Variants in PRRG4 observed in about 807,000 individuals in gnomAD.
The protein encoded by PRRG4 is transmembrane gamma-carboxyglutamic acid protein 4.
In PRRG4, 12 loss-of-function variants were observed where a neutral mutation model predicts 20.0. The observed-to-expected ratio is 0.60, with a 90% CI of 0.38 to 0.97. The LOEUF (loss-of-function observed/expected upper bound fraction) is 0.97. PRRG4 is among the 50% of genes least tolerant of loss of function. The probability of loss-of-function intolerance (pLI) is 0.00; values close to 1 mark genes in which losing one functional copy is unlikely to be tolerated. For synonymous variants in PRRG4, 94 were observed against 96.4 expected (o/e 0.98, Z 0.15); for missense variants, 199 against 265.1 (o/e 0.75, Z 1.73).
At chr11:32,852,175 C>G (rs570788922) in intron 5 of PRRG4, among the ~76,000 whole-genome samples, 9 of 152,178 alleles carry the variant, frequency 5.9e-5, no homozygotes, top group Non-Finnish European at 1.0e-4. Flanking sequence ...GGGAACGATA[C>G]TAGTGAAAGC....
intron 2 of PRRG4, among the ~76,000 whole-genome samples, chr11:32,831,038 T>G (rs527840022): frequency 1.1e-3 from 160 of 152,244 alleles, no homozygotes; most frequent in African/African-American, 3.6e-3. Context: ...GATAACTTAA[T>G]CCCGTTTGGC....
chr11:32,833,108 T>G (rs1054739279), intron 2 of PRRG4, among the ~76,000 whole-genome samples: 5 of 152,062 alleles, frequency 3.3e-5, no homozygotes, highest in Admixed American at 1.3e-4. Flanking sequence ...TTACTTAGAA[T>G]CCAGTAACAA....
At chr11:32,842,172 A>G (rs1851085259) in intron 5 of PRRG4, among the ~76,000 whole-genome samples, 1 of 152,190 alleles carries the variant, frequency 6.6e-6, no homozygotes, top group Non-Finnish European at 1.5e-5. Context: ...TGAAAATAGA[A>G]TGACATGTAT....
chr11:32,835,872 G>A (rs1035461981), intron 2 of PRRG4, among the ~76,000 whole-genome samples: 12 of 152,126 alleles, frequency 7.9e-5, no homozygotes, highest in Non-Finnish European at 1.5e-4. Context: ...GGGAGGCTCA[G>A]GTGGGTGGAT....
Position 32,836,657 on chromosome 11 carries a change from G to C in PRRG4, c.104-1G>C. The C allele has an allele frequency of 6.6e-7, 1 of 1,516,754 alleles. No homozygotes were observed. Among genetic ancestry groups the C allele is most frequent in the South Asian group, 1.2e-5 (1 of 85,812 alleles). 94.0% of individuals were successfully genotyped at this position (1,516,754 alleles called of 1,614,324 possible). A position where few individuals can be genotyped will look rare whatever the true frequency, so the allele number is the denominator to read the frequency against. On this transcript the variant is annotated splice_acceptor_variant, in intron 2 of 5. Transcript: ENST00000257836. LOFTEE classifies it high-confidence loss of function. ...TTAAGTCTTTTTCATTACTTTATTA[G>C]TGTTTACATCAAAAGAAGAAGCAAA...
intron 5 of PRRG4, among the ~76,000 whole-genome samples, chr11:32,845,625 C>CAA (rs749171678): frequency 8.8e-6 from 1 of 113,626 alleles, no homozygotes; most frequent in African/African-American, 3.3e-5. Context: ...GACTCCGTTT[C>CAA]AAAAAAAAAA....
Position 32,855,689 on chromosome 11 carries a change from T to C in PRRG4, c.*2162T>C, listed in dbSNP as rs1851223233. On this transcript the variant is annotated 3_prime_UTR_variant, in exon 6 of 6. Transcript: ENST00000257836. ...TTGCAAATAAATCATCTAGCAACAT[T>C]TACATTTAATTAGGAAATCTAACTT... The C allele has an allele frequency of 6.6e-6, 1 of 152,214 alleles. No individual in the cohort carries two copies. Among genetic ancestry groups the C allele is most frequent in the African/African-American group, 2.4e-5 (1 of 41,450 alleles). 9.4% of individuals were successfully genotyped at this position (152,214 alleles called of 1,614,324 possible).
intron 5 of PRRG4, among the ~76,000 whole-genome samples, chr11:32,849,012 A>C (rs1851157378): frequency 6.6e-6 from 1 of 152,004 alleles, no homozygotes; most frequent in South Asian, 2.1e-4. Context: ...GTGTGAAATT[A>C]AGATTCACCT....
rs1851241223 is a variant in PRRG4, at chr11:32,857,876, C to A, written c.*4349C>A. 6.6e-6 allele frequency: 1 copy of A among 152,056 alleles called. No homozygotes were observed. Among genetic ancestry groups the A allele is most frequent in the Admixed American group, 6.6e-5 (1 of 15,266 alleles). The allele number at this position is 152,056 out of a possible 1,614,324, so 9.4% of individuals were successfully genotyped here. A position where few individuals can be genotyped will look rare whatever the true frequency, so the allele number is the denominator to read the frequency against. On this transcript the variant is annotated 3_prime_UTR_variant, in exon 6 of 6. Transcript: ENST00000257836. ...AAAACATGTGTGACATATATCAGTA[C>A]CTTCATTCTTCTATATTTTGTGTCT...
chr11:32,836,525 T>G, intron 2 of PRRG4, 133 bp from the exon 3 acceptor site: 1 of 452,198 alleles, frequency 2.2e-6, no homozygotes, highest in Non-Finnish European at 3.8e-6. Flanking sequence ...TTGGGTTAGA[T>G]TTTAAAACTT....
At chr11:32,852,719 G>T (rs1851193422) in intron 5 of PRRG4, among the ~76,000 whole-genome samples, 1 of 151,262 alleles carries the variant, frequency 6.6e-6, no homozygotes, top group Non-Finnish European at 1.5e-5. Flanking sequence ...GAAAATTGAG[G>T]TCGGTAACTT....
chr11:32,830,162 G>C lies in PRRG4; in HGVS notation c.-34G>C, dbSNP rs1460394726. The C allele has an allele frequency of 4.9e-6, 5 of 1,022,366 alleles. 1 individual carries two copies. Among genetic ancestry groups the C allele is most frequent in the South Asian group, 9.1e-5 (2 of 21,872 alleles). 63.3% of individuals were successfully genotyped at this position (1,022,366 alleles called of 1,614,324 possible). On this transcript the variant is annotated 5_prime_UTR_variant, in exon 1 of 6. Coordinates refer to ENST00000257836, the MANE Select transcript of PRRG4 (RefSeq NM_024081.6). ...GCCCGGGGGCTGCTGGAACATGTGC[G>C]GGGGGACACAGGTACGAGGCCTGGC... is the stretch of plus-strand genomic sequence containing the variant.
Position 32,853,573 on chromosome 11 carries a change from C to T in PRRG4, c.*46C>T, listed in dbSNP as rs751773526. ...AAGAAATTTGTGTTATTTGATAGGC[C>T]GGGCATGGTGGCTCATGCCTGTAAT... is the stretch of plus-strand genomic sequence containing the variant. On this transcript the variant is annotated 3_prime_UTR_variant, in exon 6 of 6. Coordinates refer to ENST00000257836, the MANE Select transcript of PRRG4 (RefSeq NM_024081.6). 2.9e-5 allele frequency: 43 copies of T among 1,475,832 alleles called. No individual in the cohort carries two copies. The highest frequency in any genetic ancestry group is 2.9e-4 in the Admixed American group (17 of 59,346). The allele number at this position is 1,475,832 out of a possible 1,614,324, so 91.4% of individuals were successfully genotyped here. A position where few individuals can be genotyped will look rare whatever the true frequency, so the allele number is the denominator to read the frequency against.
intron 2 of PRRG4, among the ~76,000 whole-genome samples, chr11:32,833,608 C>T (rs944494670): frequency 1.3e-5 from 2 of 152,186 alleles, no homozygotes; most frequent in East Asian, 3.8e-4. Flanking sequence ...TAGTTTTATA[C>T]TTTAAACCTA....
intron 4 of PRRG4, among the ~76,000 whole-genome samples, chr11:32,839,897 TAATA>T (rs1386551601): frequency 1.3e-5 from 2 of 148,224 alleles, no homozygotes. Flanking sequence ...ATTTATATTT[TAATA>T]AATAAAAGAA....
intron 5 of PRRG4, among the ~76,000 whole-genome samples, chr11:32,842,194 C>A (rs1318211250): frequency 6.6e-6 from 1 of 152,034 alleles, no homozygotes; most frequent in Non-Finnish European, 1.5e-5. Context: ...GGAAGGGCAC[C>A]AAACTAGGAA....
At chr11:32,845,329 A>G (rs1349651142) in intron 5 of PRRG4, among the ~76,000 whole-genome samples, 1 of 152,160 alleles carries the variant, frequency 6.6e-6, no homozygotes, top group Non-Finnish European at 1.5e-5. Flanking sequence ...TAAACTTGTA[A>G]GATAGAGAAC....
Position 32,840,383 on chromosome 11 carries a change from G to T in PRRG4, c.449+144G>T. 1.7e-6 allele frequency: 1 copy of T among 589,988 alleles called. No homozygotes were observed. Among genetic ancestry groups the T allele is most frequent in the Non-Finnish European group, 2.9e-6 (1 of 339,786 alleles). 36.5% of individuals were successfully genotyped at this position (589,988 alleles called of 1,614,324 possible). On this transcript the variant is annotated intron_variant, in intron 5 of 5. Coordinates refer to ENST00000257836, the MANE Select transcript of PRRG4 (RefSeq NM_024081.6). This position sits in a 1 kb window ranked among gnomAD's most constrained non-coding sequence, Gnocchi z 4.1. The stretch of plus-strand genomic sequence containing the variant: ...TTAGATGTATAGGGAAGTTGCAAAG[G>T]TTAATACAGAGAGTTCCCACATATC...
At chr11:32,847,136 TTTTA>T (rs1783507763) in intron 5 of PRRG4, among the ~76,000 whole-genome samples, 2 of 152,094 alleles carry the variant, frequency 1.3e-5, no homozygotes, top group African/African-American at 2.4e-5. Flanking sequence ...ATGGTTCATA[TTTTA>T]TTTATTTATT....
Sources: allele counts gnomAD v4.1 joint callset (sites outside exome capture counted in the v4.1 genomes callset), GRCh38; gene constraint gnomAD v4.1.1; non-coding constraint Gnocchi (gnomAD v3.1); transcripts MANE v1.5; gene names NCBI Gene and HGNC (gene_info 2026-07-23, HGNC 2026-07-21).